The following PREX1 variants were observed in gnomAD, a reference collection of about 807,000 sequenced individuals.
PREX1 encodes the protein phosphatidylinositol-3,4,5-trisphosphate dependent Rac exchange factor 1.
Under a neutral mutation model 198.3 loss-of-function variants are expected in PREX1, and 41 were observed. The ratio of observed to expected loss-of-function variants is 0.21; its 90% CI spans 0.16 to 0.27. The LOEUF is 0.27. Ranked by LOEUF, PREX1 falls within the 10% of genes least tolerant of loss-of-function variation. The probability of loss-of-function intolerance (pLI) is 1.00; values close to 1 mark genes in which losing one functional copy is unlikely to be tolerated. For missense variants in PREX1, 1,620 were observed against 2,200.7 expected, an observed-to-expected ratio of 0.74 and a Z score of 5.28; for synonymous variants, 843 against 887.2, an observed-to-expected ratio of 0.95 and a Z score of 0.89.
At chr20:48,744,949 G>T in intron 3 of PREX1, 76 bp downstream of exon 3, 1 of 1,554,832 alleles carries the variant, frequency 6.4e-7, no homozygotes, top group African/African-American at 1.4e-5. Flanking sequence ...TGGTGAAGGC[G>T]GATGGGGCAG....
intron 1 of PREX1, among the ~76,000 whole-genome samples, chr20:48,756,359 T>A (rs773562603): frequency 2.6e-5 from 4 of 152,316 alleles, no homozygotes; most frequent in Non-Finnish European, 4.4e-5. Flanking sequence ...CAGAACCAAC[T>A]GAGGCTTTCC....
chr20:48,787,373 CAA>C (rs111817747), intron 1 of PREX1, among the ~76,000 whole-genome samples: 1 of 144,786 alleles, frequency 6.9e-6, no homozygotes. Context: ...TATAAACAAA[CAA>C]AAAAAAAAAA....
the PREX1 span, among the ~76,000 whole-genome samples, chr20:48,851,145 G>T: frequency 6.6e-6 from 1 of 152,310 alleles, no homozygotes; most frequent in South Asian, 2.1e-4. Flanking sequence ...CAGACCATGG[G>T]TCCTGCAAAG....
At chr20:48,712,647 G>A (rs183391336) in intron 5 of PREX1, among the ~76,000 whole-genome samples, 2 of 152,294 alleles carry the variant, frequency 1.3e-5, no homozygotes, top group Admixed American at 1.3e-4. Flanking sequence ...TAGGGGTAGG[G>A]AATTGAAACC....
At chr20:48,676,039 GA>G (rs1167671520) in intron 14 of PREX1, among the ~76,000 whole-genome samples, 153 bp downstream of exon 14, 1,366 of 124,130 alleles carry the variant, frequency 0.011, 12 homozygotes, top group Non-Finnish European at 0.015. Flanking sequence ...TCTGTCTCAA[GA>G]AAAAAAAAAA....
chr20:48,681,136 CG>C, intron 11 of PREX1, 98 bp downstream of exon 11: 1 of 1,058,892 alleles, frequency 9.4e-7, no homozygotes, highest in South Asian at 1.4e-5. Flanking sequence ...GGCGGCTGCA[CG>C]AAAGGATAGG....
chr20:48,683,696 T>C (rs2089767087), intron 10 of PREX1, among the ~76,000 whole-genome samples: 2 of 152,114 alleles, frequency 1.3e-5, no homozygotes, highest in African/African-American at 4.8e-5. Context: ...GACGAACGCA[T>C]CTAACAGCTT....
intron 3 of PREX1, among the ~76,000 whole-genome samples, chr20:48,738,245 G>A (rs887915380): frequency 2.0e-5 from 3 of 152,172 alleles, no homozygotes; most frequent in African/African-American, 4.8e-5. Context: ...ACAGAATGCT[G>A]TGATTGATTA....
Position 48,701,506 on chromosome 20 carries a change from G to A in PREX1, c.784-620C>T, listed in dbSNP as rs148156842. 2.1e-3 allele frequency among the ~76,000 whole-genome samples: 313 copies of A among 152,140 alleles called. 1 individual carries two copies. The highest frequency in any genetic ancestry group is 7.1e-3 in the African/African-American group (296 of 41,492). ...AGGGATTACAGACATGAGCCACCAC[G>A]CCTGGCCTCGTTCAGTTTTTATTGT... On this transcript the variant is annotated intron_variant, in intron 6 of 39. Coordinates refer to ENST00000371941, the MANE Select transcript of PREX1 (RefSeq NM_020820.4).
chr20:48,679,995 G>A (rs1406605177), intron 11 of PREX1, among the ~76,000 whole-genome samples: 2 of 152,136 alleles, frequency 1.3e-5, no homozygotes, highest in African/African-American at 2.4e-5. Context: ...GCAGGACCCT[G>A]CTGAGACTCG....
intron 13 of PREX1, 39 bp from the exon 14 acceptor site, chr20:48,676,307 G>A (rs370464206): frequency 8.7e-5 from 138 of 1,589,446 alleles, no homozygotes; most frequent in South Asian, 4.0e-4. Context: ...AGGGCAGGGC[G>A]GGGAGGACAG....
chr20:48,871,734 A>C, the PREX1 span, among the ~76,000 whole-genome samples: 1 of 115,878 alleles, frequency 8.6e-6, no homozygotes, highest in African/African-American at 3.4e-5. Flanking sequence ...TCTTAACTAT[A>C]ATATGGAGAT....
intron 14 of PREX1, among the ~76,000 whole-genome samples, chr20:48,672,095 G>A (rs1488566304): frequency 6.6e-6 from 1 of 152,202 alleles, no homozygotes; most frequent in Non-Finnish European, 1.5e-5. Flanking sequence ...CGCATGCCCA[G>A]CACCAGCCAC....
At chr20:48,826,466 G>T (rs2090509348) in intron 1 of PREX1, among the ~76,000 whole-genome samples, 1 of 152,180 alleles carries the variant, frequency 6.6e-6, no homozygotes, top group South Asian at 2.1e-4. Flanking sequence ...CACCAGCTGG[G>T]ATAGTCCCGG....
intron 1 of PREX1, among the ~76,000 whole-genome samples, chr20:48,752,909 C>T (rs1236332434): frequency 6.6e-6 from 1 of 152,216 alleles, no homozygotes; most frequent in Non-Finnish European, 1.5e-5. Context: ...TTGTTTCAAA[C>T]ATCCTTACTG....
At chr20:48,834,489 A>G in the PREX1 span, among the ~76,000 whole-genome samples, 1 of 152,024 alleles carries the variant, frequency 6.6e-6, no homozygotes, top group Non-Finnish European at 1.5e-5. Context: ...AGAAACACAA[A>G]CAGCCACACC....
the PREX1 span, among the ~76,000 whole-genome samples, chr20:48,843,380 T>C: frequency 3.8e-3 from 581 of 152,270 alleles, 16 homozygotes; most frequent in Admixed American, 0.034. Flanking sequence ...GCCTGAGTCA[T>C]GTATTTTCTA....
chr20:48,843,591 A>T, the PREX1 span, among the ~76,000 whole-genome samples: 5 of 152,230 alleles, frequency 3.3e-5, no homozygotes, highest in Admixed American at 1.3e-4. Context: ...CCCTGTGCTC[A>T]AGCACCTTCA....
the PREX1 span, among the ~76,000 whole-genome samples, chr20:48,881,765 G>A: frequency 1.4e-4 from 21 of 152,300 alleles, no homozygotes; most frequent in African/African-American, 4.6e-4. Flanking sequence ...GATTACAGGC[G>A]TAAGCCACAG....
Sources: gnomAD v4.1 joint callset for allele counts (sites outside exome capture counted in the v4.1 genomes callset) on GRCh38, gnomAD v4.1.1 for gene constraint, MANE v1.5 for transcripts, NCBI Gene and HGNC (gene_info 2026-07-23, HGNC 2026-07-21) for gene names.